Variants in RNF175 observed in about 807,000 individuals in gnomAD.
RNF175 encodes ring finger protein 175.
RNF175 carries 38 observed loss-of-function variants against 50.0 expected under a neutral mutation model. The ratio of observed to expected loss-of-function variants is 0.76; its 90% CI spans 0.59 to 1.00. The LOEUF (loss-of-function observed/expected upper bound fraction) is 1.00. Among genes scored for constraint, RNF175 ranks in the 50% least tolerant of loss-of-function variants. The pLI is 0.00. For synonymous variants in RNF175, 155 were observed against 146.1 expected, an observed-to-expected ratio of 1.06 and a Z score of -0.44; for missense variants, 388 against 409.6, an observed-to-expected ratio of 0.95 and a Z score of 0.46.
intron 3 of RNF175, among the ~76,000 whole-genome samples, chr4:153,729,321 T>C (rs1486746090): frequency 2.0e-5 from 3 of 152,242 alleles, no homozygotes; most frequent in Non-Finnish European, 4.4e-5. Context: ...CTGTTGAGGA[T>C]TCTGAGCCTG....
At chr4:153,720,501 C>T in intron 5 of RNF175, 197 bp from the exon 6 acceptor site, 1 of 492,762 alleles carries the variant, frequency 2.0e-6, no homozygotes, top group South Asian at 2.2e-5. Flanking sequence ...GCACTCAGTG[C>T]CAACTGGACA....
Position 153,734,665 on chromosome 4 carries a change from CTTTTTTTTTTTTTTT to C in RNF175, c.247-6319_247-6305del, listed in dbSNP as rs56211482. Among the ~76,000 whole-genome samples the C allele has an allele frequency of 3.3e-3, 239 of 73,196 alleles. 1 individual carries two copies. The highest frequency in any genetic ancestry group is 4.1e-3 in the Non-Finnish European group (184 of 45,194). The allele number at this position is 73,196 out of a possible 152,430, so 48.0% of individuals were successfully genotyped here. A position where few individuals can be genotyped will look rare whatever the true frequency, so the allele number is the denominator to read the frequency against. On this transcript the variant is annotated intron_variant, in intron 3 of 8. Transcript: ENST00000347063. ...TCCAAGTCTGGCTTGTTTTTTTATT[CTTTTTTTTTTTTTTT>C]TTTTTTTTTTTTTGAGATGTTGTCC...
At chr4:153,741,552 A>T (rs759821185) in intron 3 of RNF175, among the ~76,000 whole-genome samples, 1 of 152,070 alleles carries the variant, frequency 6.6e-6, no homozygotes, top group Non-Finnish European at 1.5e-5. Context: ...CTCAGCTGTG[A>T]TTTCCTGCAT....
rs142224306 is a variant in RNF175 at position 153,715,537 on chromosome 4, A to C, written c.756T>G (p.Cys252Trp). Reference protein sequence around the residue: ...GLIENTYQLSCNHVFHEFCIR... With the variant: ...GLIENTYQLSWNHVFHEFCIR... The stretch of plus-strand genomic sequence containing the variant: ...TCCTTTGAAAAGGATACACATGATT[A>C]CAGGAAAGCTGGTAGGTGTTTTCAA... Residue 252 changes from cysteine to tryptophan, a missense_variant, in exon 7 of 9, where the codon TGT becomes TGG. Transcript: ENST00000347063. 8.8e-4 allele frequency: 1,397 copies of C among 1,594,708 alleles called. 1 individual carries two copies. Among genetic ancestry groups the C allele is most frequent in the Admixed American group, 1.2e-3 (66 of 56,574 alleles).
chr4:153,710,188 ATTTG>A lies in RNF175; in HGVS notation c.*177_*180del, dbSNP rs1420498730. 5.8e-5 allele frequency: 29 copies of A among 499,498 alleles called. No homozygotes were observed. Among genetic ancestry groups the A allele is most frequent in the African/African-American group, 5.6e-4 (29 of 52,144 alleles). The allele number at this position is 499,498 out of a possible 1,614,324, so 30.9% of individuals were successfully genotyped here. A position where few individuals can be genotyped will look rare whatever the true frequency, so the allele number is the denominator to read the frequency against. ...TGGGAAAGATGAAAAAACATGCTTTATTTGTTTATTCCATTGTTCAGCTTCTCTT... is the reference window on the plus strand; with the variant it reads ...TGGGAAAGATGAAAAAACATGCTTTATTTATTCCATTGTTCAGCTTCTCTT... On this transcript the variant is annotated 3_prime_UTR_variant, in exon 9 of 9. Coordinates refer to ENST00000347063, the MANE Select transcript of RNF175 (RefSeq NM_173662.4).
At chr4:153,722,971 C>T (rs1447046478) in intron 5 of RNF175, among the ~76,000 whole-genome samples, 1 of 152,048 alleles carries the variant, frequency 6.6e-6, no homozygotes, top group Non-Finnish European at 1.5e-5. Context: ...TACTGGACAA[C>T]ATAATTCTAG....
In RNF175 at chr4:153,728,239, A is replaced by G. The variant is rs751539719; in HGVS notation, c.369T>C (p.Ala123=). The G allele has an allele frequency of 1.2e-6, 2 of 1,613,510 alleles. No homozygotes were observed. Among genetic ancestry groups the G allele is most frequent in the Non-Finnish European group, 1.7e-6 (2 of 1,179,562 alleles). The change falls in exon 4 of 9, where the codon GCT becomes GCC. Residue 123 remains alanine, a synonymous_variant. Coordinates refer to ENST00000347063, the MANE Select transcript of RNF175 (RefSeq NM_173662.4). The part of the protein sequence containing the change: ...SVITSYILFR[A]TRKPLSGRTP... ...TCCTTCCTGAGAGGGGTTTTCGGGT[A>G]GCTCTGAAGAGGATGTAACTGGTAA...
rs1236132636 is a variant in RNF175 at position 153,759,871 on chromosome 4, C to T, written c.-9G>A. 7.0e-7 allele frequency: 1 copy of T among 1,430,894 alleles called. No individual in the cohort carries two copies. Among genetic ancestry groups the T allele is most frequent in the Admixed American group, 2.8e-5 (1 of 35,256 alleles). 88.6% of individuals were successfully genotyped at this position (1,430,894 alleles called of 1,614,324 possible). On this transcript the variant is annotated 5_prime_UTR_variant, in exon 1 of 9. Coordinates refer to ENST00000347063, the MANE Select transcript of RNF175 (RefSeq NM_173662.4). ...GCCGTCCCCGCGGCCATGCCTGAGC[C>T]ACTGTGCCTTCTCCAGGGCACAGCG...
At chr4:153,754,332 G>C (rs1332812871) in intron 1 of RNF175, among the ~76,000 whole-genome samples, 1 of 152,048 alleles carries the variant, frequency 6.6e-6, no homozygotes, top group East Asian at 1.9e-4. Flanking sequence ...TTTGAAATTT[G>C]GCCATCCCAA....
intron 3 of RNF175, among the ~76,000 whole-genome samples, chr4:153,740,138 A>G (rs1374898676): frequency 6.6e-6 from 1 of 151,254 alleles, no homozygotes; most frequent in Non-Finnish European, 1.5e-5. Flanking sequence ...TGATGAGGCC[A>G]TTCAAGACAT....
intron 3 of RNF175, among the ~76,000 whole-genome samples, chr4:153,740,200 G>A (rs1023385010): frequency 6.6e-6 from 1 of 151,262 alleles, no homozygotes; most frequent in Non-Finnish European, 1.5e-5. Context: ...CATTTTAAAA[G>A]GTTCTTTGTA....
chr4:153,755,322 C>T (rs1740506736), intron 1 of RNF175, among the ~76,000 whole-genome samples: 1 of 152,256 alleles, frequency 6.6e-6, no homozygotes, highest in African/African-American at 2.4e-5. Context: ...TCCACTGAAG[C>T]CTGCCTGTCA....
chr4:153,729,874 G>A (rs1481731944), intron 3 of RNF175: 2 of 817,374 alleles, frequency 2.4e-6, no homozygotes, highest in Non-Finnish European at 2.9e-6. Flanking sequence ...TAACTTCAAG[G>A]AATACTTTCA....
chr4:153,751,297 T>C lies in RNF175; in HGVS notation c.104+141A>G, dbSNP rs1358500048. ...CAGATGAAATCCATGCATTTTGGTCTGTAGTATTTGTGTATCCTACCCCAT... is the reference window on the plus strand; with the variant it reads ...CAGATGAAATCCATGCATTTTGGTCCGTAGTATTTGTGTATCCTACCCCAT... On this transcript the variant is annotated intron_variant, in intron 2 of 8. Coordinates refer to ENST00000347063, the MANE Select transcript of RNF175 (RefSeq NM_173662.4). The C allele has an allele frequency of 6.1e-6, 4 of 655,064 alleles. No homozygotes were observed. In the East Asian group the frequency reaches 8.6e-5, roughly 14 times the overall value. The allele number at this position is 655,064 out of a possible 1,614,324, so 40.6% of individuals were successfully genotyped here. A position where few individuals can be genotyped will look rare whatever the true frequency, so the allele number is the denominator to read the frequency against.
At chr4:153,716,848 A>G (rs1051275892) in intron 6 of RNF175, among the ~76,000 whole-genome samples, 2 of 152,212 alleles carry the variant, frequency 1.3e-5, no homozygotes, top group Admixed American at 6.5e-5. Context: ...TGATTGGCTG[A>G]GGTCTATGTA....
chr4:153,722,515 G>C (rs1276403622), intron 5 of RNF175, among the ~76,000 whole-genome samples: 1 of 152,014 alleles, frequency 6.6e-6, no homozygotes, highest in Non-Finnish European at 1.5e-5. Context: ...ATGTTGACCA[G>C]GCTGGTCTTG....
chr4:153,749,206 C>T (rs1038435640), intron 2 of RNF175, among the ~76,000 whole-genome samples: 2 of 152,234 alleles, frequency 1.3e-5, no homozygotes, highest in Admixed American at 6.5e-5. Flanking sequence ...TCAGTTTCCT[C>T]ATTTGCAAAT....
chr4:153,718,238 G>GTTTTTTTTTTTTTTT (rs1430601897), intron 6 of RNF175, among the ~76,000 whole-genome samples: 2 of 82,120 alleles, frequency 2.4e-5, no homozygotes, highest in Non-Finnish European at 4.6e-5. Context: ...TTGTTTGTTT[G>GTTTTTTTTTTTTTTT]TTTTTTTTTT....
At chr4:153,755,411 A>G (rs1433964442) in intron 1 of RNF175, among the ~76,000 whole-genome samples, 2 of 152,258 alleles carry the variant, frequency 1.3e-5, no homozygotes, top group African/African-American at 4.8e-5. Context: ...CAAAGATCAC[A>G]AGACGTTTGA....
Sources: gnomAD v4.1 joint callset for allele counts (sites outside exome capture counted in the v4.1 genomes callset) on GRCh38, gnomAD v4.1.1 for gene constraint, MANE v1.5 for transcripts, NCBI Gene and HGNC (gene_info 2026-07-23, HGNC 2026-07-21) for gene names.